The following VWC2 variants were observed in gnomAD, a reference collection of about 807,000 sequenced individuals.
The protein encoded by VWC2 is brorin.
A neutral mutation model predicts 29.8 loss-of-function variants in VWC2; 14 were observed. The observed-to-expected ratio is 0.47, with a 90% CI of 0.31 to 0.74. The LOEUF (loss-of-function observed/expected upper bound fraction) is 0.74. VWC2 is among the 30% of genes least tolerant of loss of function. VWC2 has a pLI of 0.05. For synonymous variants in VWC2, 213 were observed against 199.0 expected (o/e 1.07, Z -0.59); for missense variants, 457 against 459.8 (o/e 0.99, Z 0.05).
chr7:49,776,372 A>T (rs1203008120), intron 2 of VWC2, among the ~76,000 whole-genome samples: 1 of 152,222 alleles, frequency 6.6e-6, no homozygotes, highest in African/African-American at 2.4e-5. Flanking sequence ...CTTCATGAGG[A>T]TGAAGCCTAT....
intron 3 of VWC2, among the ~76,000 whole-genome samples, chr7:49,819,479 A>T (rs1789218577): frequency 6.6e-6 from 1 of 152,224 alleles, no homozygotes; most frequent in African/African-American, 2.4e-5. Flanking sequence ...CATGCTGTGC[A>T]GCCTAAAATG....
intron 3 of VWC2, among the ~76,000 whole-genome samples, chr7:49,811,446 T>G (rs746408825): frequency 8.5e-5 from 13 of 152,208 alleles, no homozygotes; most frequent in Non-Finnish European, 2.9e-5. Context: ...CACTCTGCAC[T>G]TTTCCTTGCT....
intron 3 of VWC2, among the ~76,000 whole-genome samples, chr7:49,827,169 C>T (rs769279862): frequency 7.9e-5 from 12 of 151,890 alleles, no homozygotes; most frequent in Non-Finnish European, 1.6e-4. Context: ...TGTCATATTG[C>T]AGTTGTGCTT....
At chr7:49,844,596 T>G (rs1210062413) in intron 3 of VWC2, among the ~76,000 whole-genome samples, 1 of 152,242 alleles carries the variant, frequency 6.6e-6, no homozygotes, top group Non-Finnish European at 1.5e-5. Flanking sequence ...GCATGGAAGA[T>G]TGTGAGAGCC....
rs1476939911 is a variant in VWC2, at chr7:49,914,259, A to G, written c.*2074A>G. Reference sequence around the variant, plus strand: ...TCAAAGTCTTCCTGTTTCCCTTAATAATAATTCCTACCAGAATGGATGATG... The same window carrying G: ...TCAAAGTCTTCCTGTTTCCCTTAATGATAATTCCTACCAGAATGGATGATG... On this transcript the variant is annotated 3_prime_UTR_variant, in exon 4 of 4. Coordinates refer to ENST00000340652, the MANE Select transcript of VWC2 (RefSeq NM_198570.5). 2.0e-5 allele frequency: 3 copies of G among 152,254 alleles called. No individual in the cohort carries two copies. Among genetic ancestry groups the G allele is most frequent in the African/African-American group, 7.2e-5 (3 of 41,464 alleles). The allele number at this position is 152,254 out of a possible 1,614,324, so 9.4% of individuals were successfully genotyped here. A position where few individuals can be genotyped will look rare whatever the true frequency, so the allele number is the denominator to read the frequency against.
At chr7:49,875,561 G>A (rs555626918) in intron 3 of VWC2, among the ~76,000 whole-genome samples, 5 of 151,874 alleles carry the variant, frequency 3.3e-5, no homozygotes, top group Non-Finnish European at 5.9e-5. Context: ...TGATTGATAA[G>A]TGAAAGGTGG....
At chr7:49,808,489 C>T (rs1021655758) in intron 3 of VWC2, among the ~76,000 whole-genome samples, 4 of 151,872 alleles carry the variant, frequency 2.6e-5, no homozygotes, top group South Asian at 2.1e-4. Context: ...AGAAAATGAA[C>T]AATAATATAG....
chr7:49,835,087 A>G (rs1476776015), intron 3 of VWC2, among the ~76,000 whole-genome samples: 1 of 152,180 alleles, frequency 6.6e-6, no homozygotes, highest in Non-Finnish European at 1.5e-5. Flanking sequence ...GAGTGCCCTG[A>G]TACAAAGTTG....
At chr7:49,777,200 C>T (rs1788072425) in intron 2 of VWC2, among the ~76,000 whole-genome samples, 1 of 152,182 alleles carries the variant, frequency 6.6e-6, no homozygotes, top group Non-Finnish European at 1.5e-5. Context: ...GTCCTTTTCC[C>T]ACCTGCAGAG....
intron 3 of VWC2, among the ~76,000 whole-genome samples, chr7:49,833,428 G>C (rs996197189): frequency 2.6e-5 from 4 of 152,178 alleles, no homozygotes; most frequent in Admixed American, 6.5e-5. Flanking sequence ...TTTTGCAGTA[G>C]AGAAAAGATT....
At chr7:49,898,178 GTA>G (rs1426051057) in intron 3 of VWC2, among the ~76,000 whole-genome samples, 2 of 151,710 alleles carry the variant, frequency 1.3e-5, no homozygotes, top group African/African-American at 4.8e-5. Flanking sequence ...ATGTGTGTGT[GTA>G]TATATGTGTG....
intron 2 of VWC2, among the ~76,000 whole-genome samples, chr7:49,777,144 C>CTA (rs1788071639): frequency 6.6e-6 from 1 of 152,194 alleles, no homozygotes; most frequent in African/African-American, 2.4e-5. Context: ...TAGGTTCAAC[C>CTA]TATGGCCTGC....
intron 2 of VWC2, among the ~76,000 whole-genome samples, chr7:49,785,038 A>G (rs1490235693): frequency 6.6e-6 from 1 of 152,270 alleles, no homozygotes; most frequent in Non-Finnish European, 1.5e-5. Context: ...AATAAAGTGC[A>G]TGGGTAAAGA....
At chr7:49,800,558 C>T (rs559788039) in intron 2 of VWC2, among the ~76,000 whole-genome samples, 1 of 152,236 alleles carries the variant, frequency 6.6e-6, no homozygotes, top group East Asian at 1.9e-4. Context: ...CTCCCCTCCC[C>T]TGGGGCAGGG....
chr7:49,831,438 G>T (rs1340730016), intron 3 of VWC2, among the ~76,000 whole-genome samples: 1 of 152,186 alleles, frequency 6.6e-6, no homozygotes, highest in Non-Finnish European at 1.5e-5. Context: ...AACATGTAGG[G>T]ACTTCAGGGG....
chr7:49,823,283 T>G (rs1789306426), intron 3 of VWC2, among the ~76,000 whole-genome samples: 1 of 152,122 alleles, frequency 6.6e-6, no homozygotes, highest in African/African-American at 2.4e-5. Context: ...GGCTACACAG[T>G]GGGCTGCATC....
Position 49,775,629 on chromosome 7 carries a change from C to A in VWC2, c.194C>A (p.Pro65Gln), listed in dbSNP as rs572402721. ...GPGRVNELGRPARDEGGSGRD... is the reference protein window; with the variant it reads ...GPGRVNELGRQARDEGGSGRD... ...GGGCGGGTGAACGAGCTCGGGCGCC[C>A]GGCGAGGGACGAGGGCGGCAGCGGC... Residue 65 changes from proline to glutamine, a missense_variant, in exon 2 of 4, where the codon CCG becomes CAG. Transcript: ENST00000340652. 16 of 1,529,160 alleles carry A rather than the reference C, an allele frequency of 1.0e-5. No homozygotes were observed. The highest frequency in any genetic ancestry group is 2.8e-5 in the African/African-American group (2 of 70,740). 94.7% of individuals were successfully genotyped at this position (1,529,160 alleles called of 1,614,324 possible).
chr7:49,841,223 G>A (rs1176660989), intron 3 of VWC2, among the ~76,000 whole-genome samples: 1 of 152,024 alleles, frequency 6.6e-6, no homozygotes, highest in Non-Finnish European at 1.5e-5. Context: ...ACTATTCCCT[G>A]TTTGCAGAGA....
chr7:49,774,576 G>C (rs961349602), intron 1 of VWC2, among the ~76,000 whole-genome samples: 1 of 152,204 alleles, frequency 6.6e-6, no homozygotes, highest in Non-Finnish European at 1.5e-5. Flanking sequence ...CTGCCCGGGC[G>C]CTTCTGCTCC....
Sources: gnomAD v4.1 joint callset for allele counts (sites outside exome capture counted in the v4.1 genomes callset) on GRCh38, gnomAD v4.1.1 for gene constraint, MANE v1.5 for transcripts, NCBI Gene and HGNC (gene_info 2026-07-23, HGNC 2026-07-21) for gene names.